Variants in EPHA3 observed in about 807,000 individuals in gnomAD.
The protein encoded by EPHA3 is EPH receptor A3.
EPHA3 carries 42 observed loss-of-function variants against 107.1 expected under a neutral mutation model. That is an observed-to-expected ratio of 0.39 (90% confidence interval 0.31 to 0.51). EPHA3 has a LOEUF of 0.51. Among genes scored for constraint, EPHA3 ranks in the 20% least tolerant of loss-of-function variants. The pLI is 0.78. For missense variants in EPHA3, 1,183 were observed against 1,211.2 expected, an observed-to-expected ratio of 0.98 and a Z score of 0.35; for synonymous variants, 461 against 424.8, an observed-to-expected ratio of 1.09 and a Z score of -1.05.
chr3:89,228,981 T>C (rs956287522), intron 3 of EPHA3, among the ~76,000 whole-genome samples: 1 of 151,984 alleles, frequency 6.6e-6, no homozygotes, highest in African/African-American at 2.4e-5. Context: ...AATTTGACTA[T>C]GTTTAAGCCG....
In EPHA3 at chr3:89,215,293, A is replaced by G. The variant is rs559440170; in HGVS notation, c.814+4773A>G. On this transcript the variant is annotated intron_variant, in intron 3 of 16. Coordinates refer to ENST00000336596, the MANE Select transcript of EPHA3 (RefSeq NM_005233.6). ...ATTACTGGAAATCTGTGATCAAATT[A>G]TGTGAGTGCACTATCTAAAAAGTAG... Among the ~76,000 whole-genome samples, 3 of 152,044 alleles carry G rather than the reference A, an allele frequency of 2.0e-5. No individual in the cohort carries two copies. The South Asian group carries it at 6.2e-4, about 31-fold the overall frequency.
chr3:89,292,909 C>T (rs73846132), intron 3 of EPHA3, among the ~76,000 whole-genome samples: 4,924 of 152,228 alleles, frequency 0.032, 276 homozygotes, highest in African/African-American at 0.11. Flanking sequence ...ACACTTCTAA[C>T]AAAATGTCGA....
At chr3:89,256,382 C>A (rs565687087) in intron 3 of EPHA3, among the ~76,000 whole-genome samples, 1 of 151,908 alleles carries the variant, frequency 6.6e-6, no homozygotes, top group African/African-American at 2.4e-5. Context: ...ACCAGCCTGG[C>A]CAACATGGTG....
chr3:89,287,888 A>G (rs1706126786), intron 3 of EPHA3, among the ~76,000 whole-genome samples: 1 of 152,124 alleles, frequency 6.6e-6, no homozygotes, highest in South Asian at 2.1e-4. Context: ...CTTTAGAAGT[A>G]GAAGAAAACA....
intron 3 of EPHA3, among the ~76,000 whole-genome samples, chr3:89,329,642 T>A (rs1707245801): frequency 6.6e-6 from 1 of 152,048 alleles, no homozygotes; most frequent in Non-Finnish European, 1.5e-5. Context: ...TAGCATAACA[T>A]AGTGAAGAAA....
intron 3 of EPHA3, among the ~76,000 whole-genome samples, chr3:89,322,844 C>T (rs1429541966): frequency 6.6e-6 from 1 of 151,678 alleles, no homozygotes; most frequent in Non-Finnish European, 1.5e-5. Context: ...CACCAAGAAC[C>T]AAAAGCAAAA....
chr3:89,173,525 G>GA (rs1460220596), intron 2 of EPHA3, among the ~76,000 whole-genome samples: 2 of 151,752 alleles, frequency 1.3e-5, no homozygotes, highest in African/African-American at 2.4e-5. Context: ...ATATCCTAAA[G>GA]AAAAAAATAG....
rs374460085 is a variant in EPHA3 at position 89,407,352 on chromosome 3, A to T, written c.1678A>T (p.Ile560Phe). The change falls in exon 8 of 17, where the codon ATC (isoleucine) becomes TTC (phenylalanine). Residue 560 changes from isoleucine to phenylalanine, a missense_variant. By Grantham distance (21) the Ile-to-Phe change is conservative. Transcript: ENST00000336596. ...AVAIILLTVV[I>F]YVLIGRFCGY... ...AGCAATTATTCTCCTCACTGTTGTC[A>T]TCTATGTTTTGATTGGGAGGTGAGT... The T allele has an allele frequency of 3.1e-6, 5 of 1,613,266 alleles. No individual in the cohort carries two copies. Among genetic ancestry groups the T allele is most frequent in the Non-Finnish European group, 3.4e-6 (4 of 1,179,536 alleles).
At chr3:89,136,862 A>G (rs1232999768) in intron 2 of EPHA3, among the ~76,000 whole-genome samples, 1 of 151,838 alleles carries the variant, frequency 6.6e-6, no homozygotes, top group Non-Finnish European at 1.5e-5. Flanking sequence ...ATTTTTTTAA[A>G]GTAGATTTAA....
intron 5 of EPHA3, among the ~76,000 whole-genome samples, chr3:89,394,537 C>T (rs1708810018): frequency 6.6e-6 from 1 of 152,126 alleles, no homozygotes. Flanking sequence ...TTTTGGTGTA[C>T]AGTTTTCTCT....
At chr3:89,405,582 G>C (rs1161737395) in intron 7 of EPHA3, among the ~76,000 whole-genome samples, 1 of 152,176 alleles carries the variant, frequency 6.6e-6, no homozygotes, top group African/African-American at 2.4e-5. Context: ...CAACCTATCT[G>C]TCACGTTTCT....
At chr3:89,144,612 A>G (rs1242988589) in intron 2 of EPHA3, among the ~76,000 whole-genome samples, 2 of 151,774 alleles carry the variant, frequency 1.3e-5, no homozygotes, top group African/African-American at 4.8e-5. Context: ...TATCACTTGT[A>G]AGATGACAGT....
intron 3 of EPHA3, among the ~76,000 whole-genome samples, chr3:89,211,731 CTTCTTCTTCTCCT>C (rs1704095904): frequency 1.9e-4 from 2 of 10,322 alleles, no homozygotes; most frequent in African/African-American, 4.6e-4. Context: ...TCTTTTTCTT[CTTCTTCTTCTCCT>C]TCTTCTTCTT....
chr3:89,351,836 T>G (rs1707828667), intron 5 of EPHA3, among the ~76,000 whole-genome samples: 1 of 150,832 alleles, frequency 6.6e-6, no homozygotes, highest in African/African-American at 2.4e-5. Flanking sequence ...TACCTCCAGT[T>G]TCTATTTATA....
chr3:89,330,060 T>G (rs1355488966), intron 3 of EPHA3, among the ~76,000 whole-genome samples: 2 of 152,046 alleles, frequency 1.3e-5, no homozygotes, highest in African/African-American at 4.8e-5. Context: ...TTTTAAGATA[T>G]TTAAAAAACT....
chr3:89,479,266 G>C lies in EPHA3; in HGVS notation c.2847-131G>C, dbSNP rs189694887. 3 of 715,544 alleles carry C rather than the reference G, an allele frequency of 4.2e-6. No homozygotes were observed. The Admixed American group carries it at 6.8e-5, about 16-fold the overall frequency. The allele number at this position is 715,544 out of a possible 1,614,324, so 44.3% of individuals were successfully genotyped here. A position where few individuals can be genotyped will look rare whatever the true frequency, so the allele number is the denominator to read the frequency against. On this transcript the variant is annotated intron_variant, in intron 16 of 16. Transcript: ENST00000336596. The stretch of plus-strand genomic sequence containing the variant: ...GGTGGAACGGTCCGGACATAACACA[G>C]ATGATGCAAATATCAGACAATTAGG...
chr3:89,452,086 C>A lies in EPHA3; in HGVS notation c.2690+1716C>A, dbSNP rs187878377. On this transcript the variant is annotated intron_variant, in intron 15 of 16. Coordinates refer to ENST00000336596, the MANE Select transcript of EPHA3 (RefSeq NM_005233.6). The stretch of plus-strand genomic sequence containing the variant: ...AAATAGCAAAATTTTAACATATAAA[C>A]GTTTTTTATCCATTCTTCTGTCAGT... 5.3e-5 allele frequency among the ~76,000 whole-genome samples: 8 copies of A among 152,110 alleles called. No individual in the cohort carries two copies. The South Asian group carries it at 1.7e-3, about 32-fold the overall frequency.
At chr3:89,310,379 A>T (rs988017517) in intron 3 of EPHA3, among the ~76,000 whole-genome samples, 2 of 151,876 alleles carry the variant, frequency 1.3e-5, no homozygotes, top group African/African-American at 2.4e-5. Flanking sequence ...AAATTCATTA[A>T]TTTTTTTTAA....
intron 2 of EPHA3, among the ~76,000 whole-genome samples, chr3:89,136,330 C>CTTTTTTTGTTTTTTTTTTTTTTT (rs1704310389): frequency 4.3e-5 from 1 of 23,370 alleles, no homozygotes; most frequent in Non-Finnish European, 7.8e-5. Flanking sequence ...ATCTTACAGG[C>CTTTTTTTGTTTTTTTTTTTTTTT]TTTTTTTTTT....
Sources: allele counts gnomAD v4.1 joint callset (sites outside exome capture counted in the v4.1 genomes callset), GRCh38; gene constraint gnomAD v4.1.1; transcripts MANE v1.5; gene names NCBI Gene and HGNC (gene_info 2026-07-23, HGNC 2026-07-21).